The following PTRH1 variants were observed in gnomAD, a reference collection of about 807,000 sequenced individuals.
PTRH1 encodes peptidyl-tRNA hydrolase.
Under a neutral mutation model 15.7 loss-of-function variants are expected in PTRH1, and 13 were observed. That is an observed-to-expected ratio of 0.83 (90% confidence interval 0.54 to 1.31). PTRH1 has a LOEUF of 1.31. Ranked by LOEUF, PTRH1 falls within the 40% of genes most tolerant of loss-of-function variation. PTRH1 has a pLI of 0.00. For synonymous variants in PTRH1, 139 were observed against 136.7 expected (o/e 1.02, Z -0.12); for missense variants, 319 against 296.2 (o/e 1.08, Z -0.56).
At chr9:127,711,966 G>A (rs372368923), downstream of PTRH1, 84 of 1,599,566 alleles carry the variant, frequency 5.3e-5, no homozygotes, top group Non-Finnish European at 6.6e-5. Context: ...TATGGCCCAC[G>A]GAGGGGCGGG....
intron 2 of PTRH1, 44 bp downstream of exon 2, chr9:127,714,931 C>CCCCCCCCCCA: frequency 1.4e-6 from 1 of 716,110 alleles, no homozygotes. Context: ...CCCCAACCCC[C>CCCCCCCCCCA]ACCCCCTTGG....
chr9:127,697,836 T>C (rs1307697337), intron 1 of PTRH1, among the ~76,000 whole-genome samples: 1 of 152,208 alleles, frequency 6.6e-6, no homozygotes, highest in Non-Finnish European at 1.5e-5. Context: ...GCGCTGCCTC[T>C]TTATGAAGGG....
chr9:127,712,486 G>A (rs183037906), downstream of PTRH1: 1,181 of 1,453,200 alleles, frequency 8.1e-4, no homozygotes, highest in Non-Finnish European at 1.0e-3. Flanking sequence ...TCTGTCCTTC[G>A]CTGATTCTGG....
chr9:127,710,485 A>G, downstream of PTRH1: 1 of 1,292,698 alleles, frequency 7.7e-7, no homozygotes, highest in Non-Finnish European at 1.1e-6. Flanking sequence ...TGCCCCACTG[A>G]GACCACACAG....
At chr9:127,713,766 C>A, downstream of PTRH1, 1 of 1,385,028 alleles carries the variant, frequency 7.2e-7, no homozygotes, top group South Asian at 1.2e-5. Context: ...CTCGGCCTCC[C>A]AAAGTGCTGG....
At chr9:127,707,344 C>T (rs567449983) in intron 1 of PTRH1, 4 of 768,538 alleles carry the variant, frequency 5.2e-6, no homozygotes, top group African/African-American at 3.5e-5. Context: ...CTCATTTCCT[C>T]ATACGTACCT....
rs1443862323 is a variant in PTRH1 at position 127,705,756 on chromosome 9, G to C, written c.205+9679C>G. On this transcript the variant is annotated intron_variant, in intron 1 of 2. Transcript: ENST00000335223. This position sits in a 1 kb window ranked among gnomAD's most constrained non-coding sequence, Gnocchi z 4.7. The stretch of plus-strand genomic sequence containing the variant: ...GGAGCAGGGCCATCGCATTGAGCTG[G>C]AAGGGCACTGGGCCAGGCCTCCCCG... Among the ~76,000 whole-genome samples, 1 of 152,234 alleles carries C rather than the reference G, an allele frequency of 6.6e-6. No homozygotes were observed. Among genetic ancestry groups the C allele is most frequent in the African/African-American group, 2.4e-5 (1 of 41,466 alleles).
At chr9:127,700,382 T>C (rs563990544) in intron 1 of PTRH1, among the ~76,000 whole-genome samples, 2 of 152,296 alleles carry the variant, frequency 1.3e-5, no homozygotes, top group East Asian at 3.9e-4. Flanking sequence ...TGGCTCCTCC[T>C]TGTGCTTTTG....
chr9:127,713,335 A>AC, downstream of PTRH1: 1 of 723,684 alleles, frequency 1.4e-6, no homozygotes, highest in Non-Finnish European at 2.2e-6. Flanking sequence ...TCCCATCTGT[A>AC]AAATGGGCTG....
At chr9:127,712,129 C>T (rs1280048935), downstream of PTRH1, 39 of 1,574,230 alleles carry the variant, frequency 2.5e-5, no homozygotes, top group Non-Finnish European at 3.2e-5. Context: ...AATGGCAGGG[C>T]CCCTGGCCCC....
At chr9:127,710,788 A>G (rs1842748583), downstream of PTRH1, 1 of 1,550,906 alleles carries the variant, frequency 6.4e-7, no homozygotes, top group Non-Finnish European at 8.7e-7. Context: ...GGGCCTTTGG[A>G]GGCTTCATCC....
rs776020263 is a variant in PTRH1 at position 127,706,957 on chromosome 9, G to A, written c.205+8478C>T. On this transcript the variant is annotated intron_variant, in intron 1 of 2. Transcript: ENST00000335223. ...CCCAGCCTCACTCCCTCGGCCTGTT[G>A]CTATGTACGGGACCAGCTTCCTTAG... 702 of 1,554,888 alleles carry A rather than the reference G, an allele frequency of 4.5e-4. 1 individual carries two copies. Among genetic ancestry groups the A allele is most frequent in the Non-Finnish European group, 5.6e-4 (636 of 1,145,814 alleles).
At chr9:127,714,953 AC>A (rs1259410594) in intron 2 of PTRH1, 21 bp downstream of exon 2, 1 of 132,418 alleles carries the variant, frequency 7.6e-6, no homozygotes, top group Non-Finnish European at 1.3e-5. Context: ...CCGCCCGCCC[AC>A]CCCTGGCGCT....
intron 3 of PTRH1, 69 bp from the exon 4 acceptor site, chr9:127,714,493 G>A (rs1588400677): frequency 1.6e-5 from 26 of 1,602,514 alleles, no homozygotes; most frequent in East Asian, 4.5e-5. Context: ...TCCCTGCCCC[G>A]GCTGGGTCAG....
chr9:127,694,222 G>A (rs995275872), intron 2 of PTRH1, among the ~76,000 whole-genome samples: 2 of 152,078 alleles, frequency 1.3e-5, no homozygotes, highest in African/African-American at 4.8e-5. Flanking sequence ...GTGAGCTACT[G>A]TGTCTGGCCC....
At chr9:127,701,091 T>C (rs1164475356) in intron 1 of PTRH1, among the ~76,000 whole-genome samples, 2 of 152,240 alleles carry the variant, frequency 1.3e-5, no homozygotes, top group Non-Finnish European at 2.9e-5. Context: ...TAGCCCCTCC[T>C]ACAATCTGCT....
At chr9:127,700,151 C>T (rs1054501842) in intron 1 of PTRH1, among the ~76,000 whole-genome samples, 8 of 152,202 alleles carry the variant, frequency 5.3e-5, no homozygotes, top group Non-Finnish European at 1.5e-5. Context: ...AAATACTGCA[C>T]TGCTCCTTCT....
At position 127,715,118 on chromosome 9, in the gene PTRH1, C is replaced by T. The variant is rs779260584; in HGVS notation, c.173G>A (p.Arg58Gln). 2.4e-5 allele frequency: 37 copies of T among 1,534,822 alleles called. No individual in the cohort carries two copies. Among genetic ancestry groups the T allele is most frequent in the Non-Finnish European group, 3.1e-5 (35 of 1,146,326 alleles). Residue 58 changes from arginine (R) to glutamine (Q), a missense_variant, in exon 2 of 5, where the codon CGG becomes CAG. Physicochemically the swap from Arg to Gln is conservative, Grantham distance 43 (BLOSUM62 1). Transcript: ENST00000543175. The surrounding 1 kb of genome is among the most constrained non-coding windows in gnomAD (Gnocchi z 5.8). ...CCAACTCTCCGCCACACCCAGCCGC[C>T]GCGCCAGCTGCCCCAGCACCGCCAT... is the stretch of plus-strand genomic sequence containing the variant. ...VGMAVLGQLA[R>Q]RLGVAESWTR...
At chr9:127,714,939 T>TTGGGG in intron 2 of PTRH1, 36 bp downstream of exon 2, 3 of 407,872 alleles carry the variant, frequency 7.4e-6, no homozygotes, top group Non-Finnish European at 1.4e-5. Context: ...CCCACCCCCT[T>TTGGGG]GGCCCGCCCG....
Sources: gnomAD v4.1 joint callset for allele counts (sites outside exome capture counted in the v4.1 genomes callset) on GRCh38, gnomAD v4.1.1 for gene constraint, Gnocchi (gnomAD v3.1) non-coding constraint, MANE v1.5 for transcripts, NCBI Gene and HGNC (gene_info 2026-07-23, HGNC 2026-07-21) for gene names.